TP53INP1: variants seen among roughly 807,000 people sequenced by gnomAD.
TP53INP1 encodes the protein tumor protein p53 inducible nuclear protein 1.
Under a neutral mutation model 21.0 loss-of-function variants are expected in TP53INP1, and 12 were observed. The ratio of observed to expected loss-of-function variants is 0.57; its 90% CI spans 0.37 to 0.93. The LOEUF (loss-of-function observed/expected upper bound fraction) is 0.93. Ranked by LOEUF, TP53INP1 falls within the 40% of genes least tolerant of loss-of-function variation. TP53INP1 has a pLI of 0.01. For synonymous variants in TP53INP1, 91 were observed against 94.8 expected (o/e 0.96, Z 0.23); for missense variants, 274 against 294.7 (o/e 0.93, Z 0.51).
rs1185316586 is a variant in TP53INP1 at position 94,940,101 on chromosome 8, C to T, written c.232G>A (p.Asp78Asn). 1 of 1,614,206 alleles carries T rather than the reference C, an allele frequency of 6.2e-7. No individual in the cohort carries two copies. Among genetic ancestry groups the T allele is most frequent in the Non-Finnish European group, 8.5e-7 (1 of 1,180,026 alleles). ...CLPASLECLA[D>N]TSDSCFLQFE... is the part of the protein sequence containing the mutation. ...TGGAGAAAGCAGGAATCACTTGTAT[C>T]AGCCAAGCACTCAAGAGATGCCGGT... The change falls in exon 3 of 4, where the codon GAT becomes AAT. Residue 78 changes from aspartate (D) to asparagine (N), a missense_variant. Physicochemically the swap from Asp to Asn is conservative, Grantham distance 23. Coordinates refer to ENST00000342697, the MANE Select transcript of TP53INP1 (RefSeq NM_033285.4).
chr8:94,934,449 GATC>G (rs1820767260), intron 3 of TP53INP1, among the ~76,000 whole-genome samples: 1 of 150,932 alleles, frequency 6.6e-6, no homozygotes, highest in African/African-American at 2.4e-5. Flanking sequence ...GCAATGGCGT[GATC>G]TCAGCTCACT....
chr8:94,931,764 G>C (rs1820424999), intron 3 of TP53INP1, among the ~76,000 whole-genome samples: 1 of 152,106 alleles, frequency 6.6e-6, no homozygotes, highest in Non-Finnish European at 1.5e-5. Flanking sequence ...CACCTTAATA[G>C]AGTTCAAGAC....
rs1820293647 is a variant in TP53INP1 at position 94,930,558 on chromosome 8, G to C, written c.644C>G (p.Thr215Ser). Reference protein sequence around the residue: ...NRNSLRRQNLTRDCHPRQVKH... With the variant: ...NRNSLRRQNLSRDCHPRQVKH... ...GACTTGCCGAGGGTGGCAATCCCTG[G>C]TAAGATTTTGGCGACGAAGGCTATT... The change falls in exon 4 of 4, where the codon ACC becomes AGC. Residue 215 changes from threonine to serine, a missense_variant. By Grantham distance (58) the Thr-to-Ser change is moderately conservative (BLOSUM62 1). Coordinates refer to ENST00000342697, the MANE Select transcript of TP53INP1 (RefSeq NM_033285.4). 21 of 1,614,114 alleles carry C rather than the reference G, an allele frequency of 1.3e-5. No homozygotes were observed. Among genetic ancestry groups the C allele is most frequent in the Non-Finnish European group, 1.8e-5 (21 of 1,180,056 alleles).
chr8:94,942,308 A>G (rs529264990), intron 1 of TP53INP1, among the ~76,000 whole-genome samples: 36 of 152,008 alleles, frequency 2.4e-4, no homozygotes, highest in Middle Eastern at 6.8e-3. Context: ...CCAAAGTGCT[A>G]GGATTACAGG....
At chr8:94,948,072 T>A (rs776822567) in intron 1 of TP53INP1, among the ~76,000 whole-genome samples, 6 of 152,198 alleles carry the variant, frequency 3.9e-5, no homozygotes, top group Non-Finnish European at 8.8e-5. Flanking sequence ...AGAAAAGGCT[T>A]TTTTAGCAAT....
chr8:94,938,292 G>A (rs1213291975), intron 3 of TP53INP1, among the ~76,000 whole-genome samples: 1 of 152,240 alleles, frequency 6.6e-6, no homozygotes, highest in Non-Finnish European at 1.5e-5. Flanking sequence ...GGATTCTGGT[G>A]TTGTGCCAGT....
chr8:94,939,068 C>T (rs1259050231), intron 3 of TP53INP1, among the ~76,000 whole-genome samples: 2 of 152,186 alleles, frequency 1.3e-5, no homozygotes, highest in African/African-American at 2.4e-5. Flanking sequence ...AAAACCCACA[C>T]ATCTGGTGTC....
chr8:94,932,356 T>G (rs1410818983), intron 3 of TP53INP1, among the ~76,000 whole-genome samples: 1 of 152,224 alleles, frequency 6.6e-6, no homozygotes, highest in Non-Finnish European at 1.5e-5. Context: ...TGCTTTATGG[T>G]AATATCCCCA....
chr8:94,930,578 G>C lies in TP53INP1; in HGVS notation c.624C>G (p.Ser208Arg), dbSNP rs138400077. The C allele has an allele frequency of 1.2e-4, 200 of 1,614,104 alleles. No individual in the cohort carries two copies. Among genetic ancestry groups the C allele is most frequent in the Non-Finnish European group, 1.6e-4 (185 of 1,180,042 alleles). ...HSERQPLNRN[S>R]LRRQNLTRDC... ...CCCTGGTAAGATTTTGGCGACGAAG[G>C]CTATTTCTGTTAAGAGGCTGTCTTT... Residue 208 changes from serine (S) to arginine (R), a missense_variant, in exon 4 of 4, where the codon AGC (serine) becomes AGG (arginine). Ser to Arg is a moderately radical substitution (Grantham distance 110). Transcript: ENST00000342697.
intron 3 of TP53INP1, 159 bp downstream of exon 3, chr8:94,939,701 A>G: frequency 9.3e-7 from 1 of 1,078,750 alleles, no homozygotes. Context: ...ACTGGTCAAC[A>G]AGTTATCTTA....
At chr8:94,941,625 G>A (rs1478250757) in intron 1 of TP53INP1, among the ~76,000 whole-genome samples, 1 of 152,208 alleles carries the variant, frequency 6.6e-6, no homozygotes, top group Admixed American at 6.5e-5. Context: ...CCTACAGCTG[G>A]CATGAAGAAA....
At chr8:94,938,021 G>A (rs1280239797) in intron 3 of TP53INP1, among the ~76,000 whole-genome samples, 19 of 152,122 alleles carry the variant, frequency 1.2e-4, no homozygotes, top group African/African-American at 4.6e-4. Flanking sequence ...AGAGAAAGAA[G>A]ATAAAAGAAT....
chr8:94,932,608 C>T (rs951598817), intron 3 of TP53INP1, among the ~76,000 whole-genome samples: 1 of 151,888 alleles, frequency 6.6e-6, no homozygotes, highest in Non-Finnish European at 1.5e-5. Context: ...TCAAGACCAT[C>T]CTGGCTAAAA....
chr8:94,944,979 C>G (rs946787080), intron 1 of TP53INP1, among the ~76,000 whole-genome samples: 1 of 152,196 alleles, frequency 6.6e-6, no homozygotes, highest in African/African-American at 2.4e-5. Context: ...GACCCTCCCC[C>G]CATTGCTAAA....
intron 3 of TP53INP1, chr8:94,932,126 G>T (rs1165386395): frequency 3.1e-6 from 5 of 1,605,436 alleles, no homozygotes; most frequent in Non-Finnish European, 4.3e-6. Context: ...GTTAAATGGT[G>T]AACTATTAAA....
intron 3 of TP53INP1, among the ~76,000 whole-genome samples, chr8:94,938,927 G>C (rs900080657): frequency 6.6e-5 from 10 of 152,340 alleles, no homozygotes; most frequent in Admixed American, 5.9e-4. Flanking sequence ...ATGGGAGGCA[G>C]TCTTTTGGGA....
At chr8:94,931,988 T>G in intron 3 of TP53INP1, 1 of 1,389,212 alleles carries the variant, frequency 7.2e-7, no homozygotes, top group Non-Finnish European at 9.9e-7. Flanking sequence ...AGAAAGAAAG[T>G]CATTTTTAAA....
intron 3 of TP53INP1, among the ~76,000 whole-genome samples, chr8:94,935,163 A>AGATAGATAGAT (rs1563725762): frequency 6.6e-6 from 1 of 152,074 alleles, no homozygotes; most frequent in East Asian, 1.9e-4. Context: ...ATAGATAGAT[A>AGATAGATAGAT]GATAGATAGA....
intron 3 of TP53INP1, among the ~76,000 whole-genome samples, chr8:94,933,115 G>C (rs1820587761): frequency 6.6e-6 from 1 of 152,034 alleles, no homozygotes; most frequent in Admixed American, 6.5e-5. Context: ...TTAATCGGCA[G>C]GATAAGGCAG....
Sources: allele counts gnomAD v4.1 joint callset (sites outside exome capture counted in the v4.1 genomes callset), GRCh38; gene constraint gnomAD v4.1.1; transcripts MANE v1.5; gene names NCBI Gene and HGNC (gene_info 2026-07-23, HGNC 2026-07-21).